The following RBFOX1 variants were observed in gnomAD, a reference collection of about 807,000 sequenced individuals.
RBFOX1 encodes RNA binding protein fox-1 homolog 1.
A neutral mutation model predicts 57.7 loss-of-function variants in RBFOX1; 8 were observed. The observed-to-expected ratio is 0.14, with a 90% CI of 0.08 to 0.25. The LOEUF (loss-of-function observed/expected upper bound fraction) is 0.25. Among genes scored for constraint, RBFOX1 ranks in the 10% least tolerant of loss-of-function variants. The probability of loss-of-function intolerance (pLI) is 1.00; values close to 1 mark genes in which losing one functional copy is unlikely to be tolerated. For missense variants in RBFOX1, 611 were observed against 548.5 expected (o/e 1.11, Z -1.14); for synonymous variants, 326 against 222.4 (o/e 1.47, Z -4.15).
chr16:6,063,413 A>G (rs1289638655), intron 1 of RBFOX1, among the ~76,000 whole-genome samples: 2 of 151,912 alleles, frequency 1.3e-5, no homozygotes, highest in Non-Finnish European at 2.9e-5. Context: ...AATGGCAGAC[A>G]TATTACTTGT....
intron 3 of RBFOX1, among the ~76,000 whole-genome samples, chr16:6,814,940 A>T (rs999327850): frequency 1.4e-4 from 22 of 152,204 alleles, no homozygotes; most frequent in African/African-American, 5.3e-4. Flanking sequence ...AAGAAAATAC[A>T]GGAATAAAAG....
chr16:7,466,129 A>G (rs1449082407), intron 4 of RBFOX1, among the ~76,000 whole-genome samples: 35 of 152,206 alleles, frequency 2.3e-4, no homozygotes, highest in Admixed American at 2.2e-3. Flanking sequence ...GTTTTAGGCA[A>G]CAGTGAACAC....
intron 5 of RBFOX1, among the ~76,000 whole-genome samples, chr16:7,575,805 C>A (rs1224815142): frequency 2.0e-5 from 3 of 152,190 alleles, no homozygotes; most frequent in Non-Finnish European, 4.4e-5. Context: ...GAAAAGAGAT[C>A]ACACTCAGTG....
At chr16:5,774,100 T>C (rs1241845362) in intron 3 of RBFOX1, among the ~76,000 whole-genome samples, 1 of 152,176 alleles carries the variant, frequency 6.6e-6, no homozygotes, top group African/African-American at 2.4e-5. Flanking sequence ...AGTTTCATGG[T>C]TTACAAAGCC....
chr16:6,025,849 ACTGT>A (rs1306447477), intron 1 of RBFOX1, among the ~76,000 whole-genome samples: 1 of 152,190 alleles, frequency 6.6e-6, no homozygotes, highest in Non-Finnish European at 1.5e-5. Flanking sequence ...TCCCACATTG[ACTGT>A]CTCTTTATCC....
intron 4 of RBFOX1, among the ~76,000 whole-genome samples, chr16:7,091,865 G>A (rs1030378269): frequency 2.0e-5 from 3 of 152,220 alleles, no homozygotes; most frequent in Admixed American, 6.5e-5. Flanking sequence ...AGATTATGCA[G>A]AAGTTGCAGA....
At chr16:6,550,315 T>TACG (rs1339729760) in intron 2 of RBFOX1, among the ~76,000 whole-genome samples, 6 of 152,162 alleles carry the variant, frequency 3.9e-5, no homozygotes, top group African/African-American at 9.7e-5. Context: ...CAGCTGGGTC[T>TACG]ACAGGTGTGT....
intron 2 of RBFOX1, among the ~76,000 whole-genome samples, chr16:6,564,625 T>G (rs1018733520): frequency 6.6e-6 from 1 of 151,660 alleles, no homozygotes; most frequent in Non-Finnish European, 1.5e-5. Context: ...AGTAGAAAGG[T>G]GGTTGGCAAG....
At chr16:5,778,435 C>G (rs900789923) in intron 3 of RBFOX1, among the ~76,000 whole-genome samples, 2 of 152,160 alleles carry the variant, frequency 1.3e-5, no homozygotes, top group African/African-American at 2.4e-5. Context: ...GGCTTCAGCT[C>G]CCTGCCAGCC....
chr16:7,134,941 AT>A (rs758855254), intron 4 of RBFOX1, among the ~76,000 whole-genome samples: 45 of 150,736 alleles, frequency 3.0e-4, no homozygotes, highest in Non-Finnish European at 6.4e-4. Flanking sequence ...TTTTTTTTCA[AT>A]TTTGATTAGC....
intron 3 of RBFOX1, among the ~76,000 whole-genome samples, chr16:5,652,353 G>C (rs1188436138): frequency 2.6e-5 from 4 of 152,214 alleles, no homozygotes; most frequent in Non-Finnish European, 4.4e-5. Context: ...CAGAGAATCA[G>C]ATCTTGGAAG....
At chr16:7,600,805 T>G (rs371131319) in intron 9 of RBFOX1, among the ~76,000 whole-genome samples, 1 of 152,332 alleles carries the variant, frequency 6.6e-6, no homozygotes, top group African/African-American at 2.4e-5. Context: ...CTGTCCATTA[T>G]AGAGGGTTAC....
intron 1 of RBFOX1, among the ~76,000 whole-genome samples, chr16:6,282,784 C>A: frequency 1.3e-5 from 2 of 152,286 alleles, no homozygotes; most frequent in South Asian, 4.1e-4. Context: ...TCCTATCAGC[C>A]TGTAAGTCTT....
chr16:7,182,558 A>G (rs1393555662), intron 4 of RBFOX1, among the ~76,000 whole-genome samples: 1 of 152,212 alleles, frequency 6.6e-6, no homozygotes, highest in Non-Finnish European at 1.5e-5. Context: ...TAGTCCTAAT[A>G]CATCCTGTTG....
intron 3 of RBFOX1, among the ~76,000 whole-genome samples, chr16:6,769,655 A>G (rs935959199): frequency 1.1e-4 from 17 of 152,152 alleles, no homozygotes; most frequent in African/African-American, 3.9e-4. Flanking sequence ...GTATAATACG[A>G]GTGTATCTTC....
At chr16:5,444,080 G>A (rs1408197089) in intron 1 of RBFOX1, among the ~76,000 whole-genome samples, 1 of 60,818 alleles carries the variant, frequency 1.6e-5, no homozygotes, top group Non-Finnish European at 2.9e-5. Flanking sequence ...TTTGAGCAGA[G>A]CATTATTGGC....
chr16:7,367,107 A>G (rs1043542160), intron 4 of RBFOX1, among the ~76,000 whole-genome samples: 2 of 151,924 alleles, frequency 1.3e-5, no homozygotes, highest in African/African-American at 2.4e-5. Context: ...GAATCATGAA[A>G]TACTGCCGGT....
intron 3 of RBFOX1, among the ~76,000 whole-genome samples, chr16:6,683,049 A>C (rs1033282190): frequency 6.6e-6 from 1 of 152,006 alleles, no homozygotes; most frequent in Non-Finnish European, 1.5e-5. Flanking sequence ...TGCTTTTAGG[A>C]GAGGAATGCG....
chr16:6,045,567 C>G (rs57893338), intron 1 of RBFOX1, among the ~76,000 whole-genome samples: 8,250 of 152,230 alleles, frequency 0.054, 751 homozygotes, highest in African/African-American at 0.18. Flanking sequence ...GAATACCTGT[C>G]AGACACCAGG....
Sources: gnomAD v4.1 joint callset for allele counts (sites outside exome capture counted in the v4.1 genomes callset) on GRCh38, gnomAD v4.1.1 for gene constraint, MANE v1.5 for transcripts, NCBI Gene and HGNC (gene_info 2026-07-23, HGNC 2026-07-21) for gene names.